The following CIP2A variants were observed in gnomAD, a reference collection of about 807,000 sequenced individuals.
The protein encoded by CIP2A is cellular inhibitor of PP2A.
Under a neutral mutation model 110.9 loss-of-function variants are expected in CIP2A, and 103 were observed. The ratio of observed to expected loss-of-function variants is 0.93; its 90% CI spans 0.79 to 1.09. The LOEUF (loss-of-function observed/expected upper bound fraction) is 1.09, where lower values mean the gene tolerates loss of function less well. Among genes scored for constraint, CIP2A ranks in the 50% least tolerant of loss-of-function variants. CIP2A has a pLI of 0.00. For synonymous variants in CIP2A, 381 were observed against 361.6 expected, an observed-to-expected ratio of 1.05 and a Z score of -0.61; for missense variants, 1,088 against 1,038.4, an observed-to-expected ratio of 1.05 and a Z score of -0.66.
chr3:108,582,608 ACT>A lies in CIP2A; in HGVS notation c.357+367_357+368del, dbSNP rs764635791. On this transcript the variant is annotated intron_variant, in intron 3 of 20. Coordinates refer to ENST00000295746, the MANE Select transcript of CIP2A (RefSeq NM_020890.3). Reference sequence around the variant, plus strand: ...AGAGCTTTGAATCTATATTAAATAGACTCTATCTACAGCTTTAATTTTTGTAG... The same window carrying A: ...AGAGCTTTGAATCTATATTAAATAGACTATCTACAGCTTTAATTTTTGTAG... Among the ~76,000 whole-genome samples, 4 of 152,174 alleles carry A rather than the reference ACT, an allele frequency of 2.6e-5. 1 individual carries two copies. The East Asian group carries it at 7.7e-4, about 29-fold the overall frequency.
intron 2 of CIP2A, among the ~76,000 whole-genome samples, chr3:108,583,307 T>C (rs1213598112): frequency 6.6e-6 from 1 of 152,188 alleles, no homozygotes; most frequent in African/African-American, 2.4e-5. Context: ...TGTAGCAAGC[T>C]TTTTCTTTGA....
Position 108,577,119 on chromosome 3 carries a change from G to C in CIP2A, c.819-773C>G, listed in dbSNP as rs916981328. Among the ~76,000 whole-genome samples the C allele has an allele frequency of 3.3e-5, 5 of 152,220 alleles. No homozygotes were observed. In the South Asian group the frequency reaches 1.0e-3, roughly 32 times the overall value. On this transcript the variant is annotated intron_variant, in intron 7 of 20. Coordinates refer to ENST00000295746, the MANE Select transcript of CIP2A (RefSeq NM_020890.3). ...GGAAATAGCACATGGATACATAAAA[G>C]GGCATTTCTAGTGAGCTGGAAGTTC...
Position 108,552,292 on chromosome 3 carries a change from T to C in CIP2A, c.2489A>G (p.Asp830Gly). The change falls in exon 20 of 21, where the codon GAT becomes GGT. Residue 830 changes from aspartate to glycine, a missense_variant. Physicochemically the swap from Asp to Gly is moderately conservative, Grantham distance 94 (BLOSUM62 -1). Transcript: ENST00000295746. ...TCTGCTTAATTCTTTTCTAAGGATA[T>C]CAATGGTTTCTTCCTTATCTTCCCT... ...KEREDKEETI[D>G]ILRKELSRTE... is the part of the protein sequence containing the mutation. 6.4e-7 allele frequency: 1 copy of C among 1,565,810 alleles called. No individual in the cohort carries two copies. The highest frequency in any genetic ancestry group is 1.2e-5 in the South Asian group (1 of 85,540).
At chr3:108,580,956 A>C (rs563509089) in intron 5 of CIP2A, among the ~76,000 whole-genome samples, 1 of 152,264 alleles carries the variant, frequency 6.6e-6, no homozygotes, top group East Asian at 1.9e-4. Flanking sequence ...TGATTCAGTT[A>C]AATTCATTTG....
intron 19 of CIP2A, 67 bp from the exon 20 acceptor site, chr3:108,552,440 G>C: frequency 1.0e-6 from 1 of 961,066 alleles, no homozygotes; most frequent in African/African-American, 1.7e-5. Flanking sequence ...AAATGGTCTA[G>C]TAGCTACTGT....
At chr3:108,578,951 A>T (rs922417405) in intron 7 of CIP2A, among the ~76,000 whole-genome samples, 16 of 152,186 alleles carry the variant, frequency 1.1e-4, no homozygotes, top group African/African-American at 3.6e-4. Flanking sequence ...CCTATAATAA[A>T]AATACTCTTT....
chr3:108,560,883 A>C, intron 13 of CIP2A, 42 bp from the exon 14 acceptor site: 4 of 1,387,756 alleles, frequency 2.9e-6, no homozygotes, highest in Non-Finnish European at 3.9e-6. Flanking sequence ...TTATACGAAA[A>C]TAGAAGAAAA....
intron 1 of CIP2A, 137 bp downstream of exon 1, chr3:108,589,137 A>G: frequency 1.6e-6 from 1 of 639,052 alleles, no homozygotes; most frequent in Non-Finnish European, 2.8e-6. Context: ...ACTAGCCTTT[A>G]CCAGTACGAA....
At chr3:108,568,370 A>G in intron 9 of CIP2A, 56 bp from the exon 10 acceptor site, 1 of 1,437,638 alleles carries the variant, frequency 7.0e-7, no homozygotes, top group Non-Finnish European at 9.6e-7. Flanking sequence ...TACAATACAG[A>G]AAAAGTCATC....
intron 1 of CIP2A, among the ~76,000 whole-genome samples, chr3:108,588,592 AAATT>A (rs2107382565): frequency 6.6e-6 from 1 of 152,372 alleles, no homozygotes; most frequent in South Asian, 2.1e-4. Context: ...AGCTTTAAAA[AAATT>A]AAACTGAGGT....
rs113031681 is a variant in CIP2A at position 108,573,550 on chromosome 3, C to G, written c.894+2721G>C. 4.8e-3 allele frequency among the ~76,000 whole-genome samples: 723 copies of G among 151,996 alleles called. 2 individuals carry two copies. Among genetic ancestry groups the G allele is most frequent in the African/African-American group, 0.016 (683 of 41,492 alleles). On this transcript the variant is annotated intron_variant, in intron 8 of 20. Transcript: ENST00000295746. ...ACCTGACCTCCTAAATTCCCTGAGA[C>G]AGTTTAATACCTTTAGATTCGAATA...
chr3:108,569,475 C>T lies in CIP2A; in HGVS notation c.1027G>A (p.Ala343Thr). The change falls in exon 9 of 21, where the codon GCT becomes ACT. Residue 343 changes from alanine to threonine, a missense_variant. Transcript: ENST00000295746. ...GGTTGGCTTAACCAGCGCAGTAGAG[C>T]CACAGTAGGTTCTAAACATTTAGTA... ...SHTKCLEPTV[A>T]LLRWLSQPLD... is the part of the protein sequence containing the mutation. 6.2e-7 allele frequency: 1 copy of T among 1,612,790 alleles called. No individual in the cohort carries two copies. The highest frequency in any genetic ancestry group is 8.5e-7 in the Non-Finnish European group (1 of 1,179,326).
rs1205010680 is a variant in CIP2A at position 108,550,005 on chromosome 3, C to T, written c.*1144G>A. 1 of 151,926 alleles carries T rather than the reference C, an allele frequency of 6.6e-6. No individual in the cohort carries two copies. The highest frequency in any genetic ancestry group is 6.6e-5 in the Admixed American group (1 of 15,234). The allele number at this position is 151,926 out of a possible 1,614,324, so 9.4% of individuals were successfully genotyped here. On this transcript the variant is annotated 3_prime_UTR_variant, in exon 21 of 21. Transcript: ENST00000295746. ...ACAAATAGTAATTTAAAATGTTTTA[C>T]TCTGCATAATATTTTTTAAAAAATT... is the stretch of plus-strand genomic sequence containing the variant.
Position 108,579,594 on chromosome 3 carries a change from A to G in CIP2A, c.644T>C (p.Leu215Ser). Residue 215 changes from leucine (L) to serine (S), a missense_variant, in exon 6 of 21, where the codon TTG (leucine) becomes TCG (serine). Leu to Ser is a moderately radical substitution (Grantham distance 145). Transcript: ENST00000295746. ...VVFALSILSSLTLNEEVGEKL... is the reference protein window; with the variant it reads ...VVFALSILSSSTLNEEVGEKL... Reference sequence around the variant, plus strand: ...TTCCCCCACCTCTTCATTTAATGTCAAACTGGATAATATTGAAAGTGCAAA... The same window carrying G: ...TTCCCCCACCTCTTCATTTAATGTCGAACTGGATAATATTGAAAGTGCAAA... 1 of 1,597,242 alleles carries G rather than the reference A, an allele frequency of 6.3e-7. No individual in the cohort carries two copies. The highest frequency in any genetic ancestry group is 1.1e-5 in the South Asian group (1 of 88,048).
In CIP2A at chr3:108,560,826, T is replaced by C; in HGVS notation, c.1650A>G (p.Ile550Met). The change falls in exon 14 of 21, where the codon ATA becomes ATG. Residue 550 changes from isoleucine (I) to methionine (M), a missense_variant. By Grantham distance (10) the Ile-to-Met change is conservative. Transcript: ENST00000295746. ...GTTGTCTATAGGCATTGTTTGCTGC[T>C]ATACTTTCTCCAAGTCTGAATGGGA... The part of the protein sequence containing the change: ...DFPALVLGES[I>M]AANNAYRQQE... 1 of 1,586,414 alleles carries C rather than the reference T, an allele frequency of 6.3e-7. No homozygotes were observed. The highest frequency in any genetic ancestry group is 1.2e-5 in the South Asian group (1 of 84,852).
intron 20 of CIP2A, 38 bp downstream of exon 20, chr3:108,552,196 T>A (rs1359012839): frequency 6.6e-7 from 1 of 1,519,012 alleles, no homozygotes; most frequent in African/African-American, 1.4e-5. Context: ...ACAGACTTTT[T>A]TATTTTACTG....
chr3:108,577,759 C>T (rs145918380), intron 7 of CIP2A, among the ~76,000 whole-genome samples: 6 of 152,000 alleles, frequency 3.9e-5, no homozygotes, highest in African/African-American at 9.6e-5. Context: ...ATTAGCTGGG[C>T]GTGGTGACGT....
At chr3:108,567,764 A>T (rs2107334207) in intron 10 of CIP2A, among the ~76,000 whole-genome samples, 1 of 152,050 alleles carries the variant, frequency 6.6e-6, no homozygotes, top group East Asian at 1.9e-4. Context: ...ACGAATACAC[A>T]TCACCAAAAA....
Position 108,579,357 on chromosome 3 carries a change from T to G in CIP2A, c.742A>C (p.Thr248Pro). ...IFNILINGDGTLTRKYSVDLL... is the reference protein window; with the variant it reads ...IFNILINGDGPLTRKYSVDLL... ...TCAACTGAATACTTTCTAGTTAGAG[T>G]GCCATCACCGTTTATGAGAATATTA... The change falls in exon 7 of 21, where the codon ACT (threonine) becomes CCT (proline). Residue 248 changes from threonine to proline, a missense_variant. Thr to Pro is a conservative substitution (Grantham distance 38). Coordinates refer to ENST00000295746, the MANE Select transcript of CIP2A (RefSeq NM_020890.3). 2 of 1,604,760 alleles carry G rather than the reference T, an allele frequency of 1.2e-6. No homozygotes were observed. The highest frequency in any genetic ancestry group is 1.7e-6 in the Non-Finnish European group (2 of 1,171,896).
Sources: allele counts gnomAD v4.1 joint callset (sites outside exome capture counted in the v4.1 genomes callset), GRCh38; gene constraint gnomAD v4.1.1; transcripts MANE v1.5; gene names NCBI Gene and HGNC (gene_info 2026-07-23, HGNC 2026-07-21).